CERT1: variants seen among roughly 807,000 people sequenced by gnomAD.
The protein encoded by CERT1 is ceramide transporter 1, also known as ceramide transfer protein.
Under a neutral mutation model 87.9 loss-of-function variants are expected in CERT1, and 31 were observed. The ratio of observed to expected loss-of-function variants is 0.35; its 90% CI spans 0.27 to 0.48. The LOEUF (loss-of-function observed/expected upper bound fraction) is 0.48, where lower values mean the gene tolerates loss of function less well. Among genes scored for constraint, CERT1 ranks in the 20% least tolerant of loss-of-function variants. CERT1 has a pLI of 0.99. For missense variants in CERT1, 487 were observed against 758.0 expected, an observed-to-expected ratio of 0.64 and a Z score of 4.20; for synonymous variants, 289 against 250.9, an observed-to-expected ratio of 1.15 and a Z score of -1.44.
intron 2 of CERT1, among the ~76,000 whole-genome samples, chr5:75,499,915 C>A (rs1767266108): frequency 6.6e-6 from 1 of 152,138 alleles, no homozygotes; most frequent in Admixed American, 6.5e-5. Flanking sequence ...TCTCCCAGTA[C>A]CTCTGAATGT....
intron 2 of CERT1, among the ~76,000 whole-genome samples, chr5:75,476,939 T>TA (rs1429762092): frequency 6.6e-6 from 1 of 152,164 alleles, no homozygotes; most frequent in African/African-American, 2.4e-5. Context: ...TCATCTCACT[T>TA]AGTTTTAAAG....
chr5:75,411,527 T>G (rs1762935141), intron 7 of CERT1, among the ~76,000 whole-genome samples: 1 of 152,082 alleles, frequency 6.6e-6, no homozygotes, highest in South Asian at 2.1e-4. Flanking sequence ...TTTGTCAGGC[T>G]TTTCTCGAAC....
At chr5:75,424,987 G>A (rs1296800934) in intron 5 of CERT1, among the ~76,000 whole-genome samples, 1 of 152,020 alleles carries the variant, frequency 6.6e-6, no homozygotes. Context: ...GTGTGGTGAT[G>A]CACACCTGTA....
chr5:75,424,528 C>T (rs1428654461), intron 5 of CERT1, among the ~76,000 whole-genome samples: 3 of 150,804 alleles, frequency 2.0e-5, no homozygotes, highest in South Asian at 2.1e-4. Flanking sequence ...GCCGAGATCA[C>T]GCGACTGCAC....
rs1767634300 is a variant in CERT1 at position 75,506,006 on chromosome 5, G to GT, written c.206_207insA (p.Cys70LeufsTer3). The GT allele has an allele frequency of 1.2e-6, 2 of 1,613,650 alleles. No homozygotes were observed. The highest frequency in any genetic ancestry group is 1.7e-6 in the Non-Finnish European group (2 of 1,179,750). On this transcript the variant is annotated frameshift_variant, in exon 2 of 17. Coordinates refer to ENST00000643780, the MANE Select transcript of CERT1 (RefSeq NM_001379029.1). LOFTEE classifies it high-confidence loss of function. ...CTGTGATGACAGCCTTGCTAAGACA[G>GT]ATGGATCCTCTGCAGCCATACTCTG...
chr5:75,369,695 C>T (rs1053245382), intron 17 of CERT1: 3 of 152,208 alleles, frequency 2.0e-5, no homozygotes, highest in African/African-American at 7.2e-5. Context: ...TCACACACCA[C>T]CTCATCAACC....
chr5:75,401,267 C>T (rs536458893), intron 9 of CERT1: 1 of 152,256 alleles, frequency 6.6e-6, no homozygotes, highest in South Asian at 2.1e-4. Flanking sequence ...ATTTCTTTTT[C>T]TAAAGCTTAC....
At chr5:75,470,268 G>A (rs998563210) in intron 2 of CERT1, among the ~76,000 whole-genome samples, 1 of 152,112 alleles carries the variant, frequency 6.6e-6, no homozygotes, top group African/African-American at 2.4e-5. Flanking sequence ...CTACACATGG[G>A]ACGTTCCTCA....
At chr5:75,430,917 T>G (rs1250684779) in intron 3 of CERT1, among the ~76,000 whole-genome samples, 1 of 152,150 alleles carries the variant, frequency 6.6e-6, no homozygotes, top group Non-Finnish European at 1.5e-5. Flanking sequence ...GGTGTGCTCC[T>G]GTAGTCTCAG....
At chr5:75,386,923 AAT>A (rs1218945176) in intron 12 of CERT1, among the ~76,000 whole-genome samples, 12 of 152,180 alleles carry the variant, frequency 7.9e-5, no homozygotes, top group Non-Finnish European at 1.8e-4. Context: ...GCTGGAGTGC[AAT>A]GGCGCCGTCT....
At position 75,389,526 on chromosome 5, in the gene CERT1, T is replaced by G; in HGVS notation, c.1284+66A>C. The G allele has an allele frequency of 2.6e-6, 3 of 1,163,848 alleles. No individual in the cohort carries two copies. The South Asian group carries it at 3.7e-5, about 14-fold the overall frequency. 72.1% of individuals were successfully genotyped at this position (1,163,848 alleles called of 1,614,324 possible). A position where few individuals can be genotyped will look rare whatever the true frequency, so the allele number is the denominator to read the frequency against. On this transcript the variant is annotated intron_variant, in intron 12 of 16. Transcript: ENST00000643780. Reference sequence around the variant, plus strand: ...AAAGTGCTATCCTTATTCATATCAATAGTAATGATAATATGACTGAAACAG... The same window carrying G: ...AAAGTGCTATCCTTATTCATATCAAGAGTAATGATAATATGACTGAAACAG...
downstream of CERT1, chr5:75,373,919 T>C (rs1036835167): frequency 2.5e-6 from 1 of 395,372 alleles, no homozygotes; most frequent in Non-Finnish European, 4.5e-6. Flanking sequence ...TTGATTTTTT[T>C]TTCTCTTCTA....
intron 1 of CERT1, among the ~76,000 whole-genome samples, chr5:75,509,667 C>A (rs1767825685): frequency 6.6e-6 from 1 of 151,898 alleles, no homozygotes; most frequent in South Asian, 2.1e-4. Context: ...GTCAAAAGTA[C>A]AATTTGTTTC....
At chr5:75,402,074 T>C (rs1466644123) in intron 9 of CERT1, 1 of 152,214 alleles carries the variant, frequency 6.6e-6, no homozygotes. Context: ...AAATTAATCT[T>C]GAAGCTAGTT....
chr5:75,426,626 T>G, intron 3 of CERT1, 148 bp from the exon 4 acceptor site: 1 of 586,824 alleles, frequency 1.7e-6, no homozygotes, highest in Non-Finnish European at 3.1e-6. Flanking sequence ...ACATAAGCAA[T>G]GCCTTTCAAT....
intron 3 of CERT1, among the ~76,000 whole-genome samples, chr5:75,449,528 C>T (rs1246138360): frequency 6.6e-6 from 1 of 152,176 alleles, no homozygotes; most frequent in Non-Finnish European, 1.5e-5. Context: ...GGACCTATGA[C>T]ATCAATACTT....
intron 12 of CERT1, among the ~76,000 whole-genome samples, chr5:75,386,430 A>T (rs1429242539): frequency 1.3e-5 from 2 of 152,242 alleles, no homozygotes; most frequent in African/African-American, 4.8e-5. Context: ...TATCCCCAAC[A>T]GCTAGAATAG....
At chr5:75,469,871 T>G (rs1765634205) in intron 2 of CERT1, among the ~76,000 whole-genome samples, 1 of 152,100 alleles carries the variant, frequency 6.6e-6, no homozygotes, top group Non-Finnish European at 1.5e-5. Context: ...TAAAGAGATT[T>G]AAAAAGATAT....
intron 5 of CERT1, among the ~76,000 whole-genome samples, chr5:75,421,951 T>G (rs1290096618): frequency 6.6e-6 from 1 of 152,210 alleles, no homozygotes; most frequent in Non-Finnish European, 1.5e-5. Context: ...TGTACAATAT[T>G]TGTTTTCCCC....
Sources: allele counts gnomAD v4.1 joint callset (sites outside exome capture counted in the v4.1 genomes callset), GRCh38; gene constraint gnomAD v4.1.1; transcripts MANE v1.5; gene names NCBI Gene and HGNC (gene_info 2026-07-23, HGNC 2026-07-21).